CTNNA3: variants seen among roughly 807,000 people sequenced by gnomAD.
The protein encoded by CTNNA3 is catenin alpha 3.
Under a neutral mutation model 95.7 loss-of-function variants are expected in CTNNA3, and 76 were observed. The ratio of observed to expected loss-of-function variants is 0.79; its 90% CI spans 0.66 to 0.96. The LOEUF is 0.96. Ranked by LOEUF, CTNNA3 falls within the 40% of genes least tolerant of loss-of-function variation. The pLI, the probability that CTNNA3 is intolerant of heterozygous loss-of-function variation, is 0.00. For synonymous variants in CTNNA3, 431 were observed against 374.4 expected (o/e 1.15, Z -1.74); for missense variants, 1,191 against 1,089.8 (o/e 1.09, Z -1.31).
intron 5 of CTNNA3, among the ~76,000 whole-genome samples, chr10:67,270,512 G>T (rs529189558): frequency 3.2e-4 from 48 of 152,240 alleles, no homozygotes; most frequent in African/African-American, 1.0e-3. Context: ...TTGCAAAGTT[G>T]CAGAGATTAA....
chr10:67,574,835 C>T (rs1359136303), intron 3 of CTNNA3, among the ~76,000 whole-genome samples: 1 of 152,124 alleles, frequency 6.6e-6, no homozygotes, highest in Non-Finnish European at 1.5e-5. Context: ...CCTGCCTCGG[C>T]CTCCCAAAGT....
chr10:66,896,078 C>G (rs979305425), intron 7 of CTNNA3, among the ~76,000 whole-genome samples: 1 of 151,908 alleles, frequency 6.6e-6, no homozygotes, highest in Non-Finnish European at 1.5e-5. Flanking sequence ...GCCTGGGCAA[C>G]AAGAGTTAAA....
At chr10:66,334,194 C>T (rs904693790) in intron 12 of CTNNA3, among the ~76,000 whole-genome samples, 1 of 151,570 alleles carries the variant, frequency 6.6e-6, no homozygotes, top group African/African-American at 2.4e-5. Flanking sequence ...GTTTGCCAGT[C>T]TGTCTTTTAA....
chr10:67,483,798 AC>A (rs773292169), intron 5 of CTNNA3, among the ~76,000 whole-genome samples: 7 of 151,540 alleles, frequency 4.6e-5, no homozygotes, highest in African/African-American at 7.3e-5. Flanking sequence ...CAAAAAAAAA[AC>A]AAAACACTGC....
At chr10:66,630,505 A>G (rs999158965) in intron 9 of CTNNA3, among the ~76,000 whole-genome samples, 6 of 152,144 alleles carry the variant, frequency 3.9e-5, no homozygotes, top group African/African-American at 1.4e-4. Context: ...TTTATTTTTA[A>G]TCAAGTAAAG....
At chr10:66,019,494 G>A (rs764280837) in intron 15 of CTNNA3, among the ~76,000 whole-genome samples, 14 of 152,040 alleles carry the variant, frequency 9.2e-5, no homozygotes, top group Non-Finnish European at 1.9e-4. Context: ...TCCCAAGTTC[G>A]TCTTCTTTTG....
At chr10:66,264,768 C>A (rs1370693457) in intron 13 of CTNNA3, among the ~76,000 whole-genome samples, 1 of 151,882 alleles carries the variant, frequency 6.6e-6, no homozygotes, top group Non-Finnish European at 1.5e-5. Context: ...TATCTGGTAT[C>A]CTCACATCTA....
intron 9 of CTNNA3, among the ~76,000 whole-genome samples, chr10:66,727,382 T>C (rs898842858): frequency 3.9e-5 from 6 of 152,196 alleles, no homozygotes; most frequent in African/African-American, 1.2e-4. Flanking sequence ...AGTATATAGT[T>C]TATTACTCTT....
Position 67,467,085 on chromosome 10 carries a change from C to G in CTNNA3, c.579+54757G>C, listed in dbSNP as rs1847624130. Among the ~76,000 whole-genome samples the G allele has an allele frequency of 3.3e-5, 5 of 152,154 alleles. No individual in the cohort carries two copies. In the South Asian group the frequency reaches 1.0e-3, roughly 32 times the overall value. On this transcript the variant is annotated intron_variant, in intron 5 of 17. Coordinates refer to ENST00000433211, the MANE Select transcript of CTNNA3 (RefSeq NM_013266.4). The stretch of plus-strand genomic sequence containing the variant: ...CCCAGGAGTTCAAGACTGAAGTGAA[C>G]TATGATCACACCACTGCACTTCAGC...
At chr10:67,540,403 A>C (rs1456103546) in intron 3 of CTNNA3, among the ~76,000 whole-genome samples, 1 of 151,994 alleles carries the variant, frequency 6.6e-6, no homozygotes, top group Non-Finnish European at 1.5e-5. Flanking sequence ...TCTTTTTATT[A>C]TAAAAGTACT....
chr10:66,592,869 G>A (rs1289180803), intron 10 of CTNNA3, among the ~76,000 whole-genome samples: 1 of 152,098 alleles, frequency 6.6e-6, no homozygotes, highest in East Asian at 1.9e-4. Context: ...TTTCATGGAG[G>A]TAGGAGGTAA....
At chr10:66,147,702 T>G (rs2083970380) in intron 13 of CTNNA3, among the ~76,000 whole-genome samples, 1 of 151,250 alleles carries the variant, frequency 6.6e-6, no homozygotes, top group African/African-American at 2.4e-5. Context: ...AGTGGCTGTT[T>G]TATACCTGTA....
chr10:67,701,240 G>A (rs891354707), intron 1 of CTNNA3, among the ~76,000 whole-genome samples: 6 of 152,136 alleles, frequency 3.9e-5, no homozygotes, highest in Admixed American at 6.5e-5. Flanking sequence ...ATCTAGCAAG[G>A]CAGGCCAACA....
chr10:66,388,458 T>C (rs975059057), intron 11 of CTNNA3, among the ~76,000 whole-genome samples: 6 of 152,252 alleles, frequency 3.9e-5, no homozygotes, highest in South Asian at 2.1e-4. Flanking sequence ...GTATGATCTA[T>C]ATGCCCATGA....
intron 3 of CTNNA3, among the ~76,000 whole-genome samples, chr10:67,595,806 C>T (rs1349823597): frequency 1.3e-5 from 2 of 152,136 alleles, no homozygotes; most frequent in Non-Finnish European, 2.9e-5. Flanking sequence ...AATCTGGATG[C>T]TCTAGTGTTG....
intron 9 of CTNNA3, among the ~76,000 whole-genome samples, chr10:66,739,850 T>C (rs1321828847): frequency 6.6e-6 from 1 of 152,206 alleles, no homozygotes; most frequent in Admixed American, 6.5e-5. Context: ...ACATAAAATA[T>C]ATACATATGT....
intron 9 of CTNNA3, among the ~76,000 whole-genome samples, chr10:66,744,903 C>T (rs1849451287): frequency 6.6e-6 from 1 of 152,072 alleles, no homozygotes; most frequent in African/African-American, 2.4e-5. Flanking sequence ...TTTCAGAAGT[C>T]AGCACCCAAA....
intron 3 of CTNNA3, among the ~76,000 whole-genome samples, chr10:67,601,993 A>G (rs1310091363): frequency 6.6e-6 from 1 of 152,208 alleles, no homozygotes; most frequent in African/African-American, 2.4e-5. Flanking sequence ...AGAATCTTGT[A>G]GTAAGGCTAC....
intron 11 of CTNNA3, among the ~76,000 whole-genome samples, chr10:66,468,048 T>A (rs970536429): frequency 6.6e-6 from 1 of 152,040 alleles, no homozygotes; most frequent in Non-Finnish European, 1.5e-5. Context: ...AACAAGCATT[T>A]ACTAAACGTA....
Sources: gnomAD v4.1 joint callset for allele counts (sites outside exome capture counted in the v4.1 genomes callset) on GRCh38, gnomAD v4.1.1 for gene constraint, MANE v1.5 for transcripts, NCBI Gene and HGNC (gene_info 2026-07-23, HGNC 2026-07-21) for gene names.